The following RHOT1 variants were observed in gnomAD, a reference collection of about 807,000 sequenced individuals.
The protein encoded by RHOT1 is mitochondrial Rho GTPase 1.
Under a neutral mutation model 95.3 loss-of-function variants are expected in RHOT1, and 27 were observed. The observed-to-expected ratio is 0.28, with a 90% CI of 0.21 to 0.39. The LOEUF (loss-of-function observed/expected upper bound fraction) is 0.39. Ranked by LOEUF, RHOT1 falls within the 10% of genes least tolerant of loss-of-function variation. RHOT1 has a pLI of 1.00. For missense variants in RHOT1, 578 were observed against 786.7 expected, an observed-to-expected ratio of 0.73 and a Z score of 3.17; for synonymous variants, 227 against 263.5, an observed-to-expected ratio of 0.86 and a Z score of 1.34.
intron 1 of RHOT1, among the ~76,000 whole-genome samples, chr17:32,144,264 G>A (rs1183345515): frequency 6.6e-6 from 1 of 152,112 alleles, no homozygotes; most frequent in African/African-American, 2.4e-5. Context: ...CAGTGCCTGG[G>A]ATTACAGGCA....
At chr17:32,182,458 C>T (rs2142662327) in intron 6 of RHOT1, among the ~76,000 whole-genome samples, 1 of 152,258 alleles carries the variant, frequency 6.6e-6, no homozygotes, top group Admixed American at 6.5e-5. Flanking sequence ...TGCACTCCAG[C>T]CTGGACAACA....
At chr17:32,212,701 T>C (rs897483312) in intron 19 of RHOT1, among the ~76,000 whole-genome samples, 7 of 152,174 alleles carry the variant, frequency 4.6e-5, no homozygotes, top group African/African-American at 1.4e-4. Context: ...GTTTTCCCTA[T>C]AACTTTCTCT....
At chr17:32,175,408 G>T (rs1301215743) in intron 4 of RHOT1, 46 bp downstream of exon 4, 1 of 1,521,640 alleles carries the variant, frequency 6.6e-7, no homozygotes, top group African/African-American at 1.4e-5. Flanking sequence ...TAGAAAAACA[G>T]TGATGATTTT....
At chr17:32,155,606 A>G (rs2032886261) in intron 1 of RHOT1, among the ~76,000 whole-genome samples, 1 of 151,314 alleles carries the variant, frequency 6.6e-6, no homozygotes, top group African/African-American at 2.4e-5. Flanking sequence ...GCAGTGGCTC[A>G]ATCATGGCTC....
intron 18 of RHOT1, among the ~76,000 whole-genome samples, chr17:32,209,949 GAAA>G (rs968185494): frequency 7.0e-6 from 1 of 143,722 alleles, no homozygotes; most frequent in Non-Finnish European, 1.5e-5. Flanking sequence ...CAAAAAAAAT[GAAA>G]AAAAAATGAA....
At chr17:32,168,540 C>T (rs936027875) in intron 1 of RHOT1, among the ~76,000 whole-genome samples, 1 of 151,670 alleles carries the variant, frequency 6.6e-6, no homozygotes, top group Non-Finnish European at 1.5e-5. Flanking sequence ...TCACAAAGTG[C>T]TGGAATTACA....
At chr17:32,220,904 C>A in intron 19 of RHOT1, 1 of 218,346 alleles carries the variant, frequency 4.6e-6, no homozygotes, top group Non-Finnish European at 7.6e-6. Flanking sequence ...GCCTTATTTT[C>A]TAATGAGTGT....
At chr17:32,206,834 G>A in intron 16 of RHOT1, 76 bp from the exon 17 acceptor site, 1 of 1,036,902 alleles carries the variant, frequency 9.6e-7, no homozygotes, top group South Asian at 1.6e-5. Flanking sequence ...TCCAGGGAAG[G>A]AAGTAATAAG....
intron 19 of RHOT1, among the ~76,000 whole-genome samples, chr17:32,218,417 G>C (rs779487380): frequency 1.3e-5 from 2 of 151,856 alleles, no homozygotes; most frequent in Non-Finnish European, 2.9e-5. Context: ...TGAGGTGAGA[G>C]GTTTGCTTGA....
At chr17:32,202,450 T>G in intron 14 of RHOT1, among the ~76,000 whole-genome samples, 1 of 152,338 alleles carries the variant, frequency 6.6e-6, no homozygotes, top group Middle Eastern at 3.4e-3. Context: ...TTGGCTATAT[T>G]CTTAGTAATT....
intron 1 of RHOT1, among the ~76,000 whole-genome samples, chr17:32,147,292 A>T (rs2031504367): frequency 6.6e-6 from 1 of 151,642 alleles, no homozygotes; most frequent in Non-Finnish European, 1.5e-5. Context: ...TGATCCACCC[A>T]CCTTGGCCTC....
chr17:32,164,585 G>A (rs573172386), intron 1 of RHOT1, among the ~76,000 whole-genome samples: 140 of 152,132 alleles, frequency 9.2e-4, no homozygotes, highest in African/African-American at 3.3e-3. Context: ...ACTTACTGAG[G>A]CTGAATGTGG....
chr17:32,190,617 A>T (rs1381682301), intron 8 of RHOT1, among the ~76,000 whole-genome samples: 1 of 152,172 alleles, frequency 6.6e-6, no homozygotes, highest in Non-Finnish European at 1.5e-5. Context: ...TAAATTATTA[A>T]ACTTTTTTAA....
chr17:32,142,903 T>C, intron 1 of RHOT1, 174 bp downstream of exon 1: 1 of 747,436 alleles, frequency 1.3e-6, no homozygotes, highest in Non-Finnish European at 2.4e-6. Flanking sequence ...TTCACTCTTC[T>C]CTTTTGGCTG....
At chr17:32,149,460 T>C (rs1396073712) in intron 1 of RHOT1, among the ~76,000 whole-genome samples, 5 of 105,148 alleles carry the variant, frequency 4.8e-5, no homozygotes, top group South Asian at 6.1e-4. Flanking sequence ...TAAGCATATT[T>C]AAATAGTTTT....
chr17:32,193,101 T>C (rs1277311200), intron 9 of RHOT1, 35 bp from the exon 10 acceptor site: 1 of 1,328,182 alleles, frequency 7.5e-7, no homozygotes, highest in Non-Finnish European at 1.1e-6. Flanking sequence ...TTAACGCTGG[T>C]TTGTTTTTAA....
chr17:32,223,965 TTA>T (rs1397074198), intron 19 of RHOT1, among the ~76,000 whole-genome samples: 3 of 152,188 alleles, frequency 2.0e-5, no homozygotes, highest in African/African-American at 7.2e-5. Flanking sequence ...TCACATTACG[TTA>T]TGTCTGTTAG....
In RHOT1 at chr17:32,194,072, T is replaced by A; in HGVS notation, c.834T>A (p.Asp278Glu). ...WTVLRRFGYD[D>E]DLDLTPEYLF... ...TGCTTCGACGATTTGGTTATGATGATGACCTGGATTTGACACCTGAATATT... is the reference window on the plus strand; with the variant it reads ...TGCTTCGACGATTTGGTTATGATGAAGACCTGGATTTGACACCTGAATATT... Residue 278 changes from aspartate to glutamate, a missense_variant, in exon 11 of 20, where the codon GAT becomes GAA. Around this residue, in one of 4 missense-constraint regions of RHOT1, gnomAD observed 227 missense variants for 316.0 expected, o/e 0.72. Transcript: ENST00000545287. 2 of 1,614,220 alleles carry A rather than the reference T, an allele frequency of 1.2e-6. No individual in the cohort carries two copies. The highest frequency in any genetic ancestry group is 1.7e-6 in the Non-Finnish European group (2 of 1,180,034).
intron 8 of RHOT1, among the ~76,000 whole-genome samples, chr17:32,190,792 C>T (rs1222087087): frequency 1.3e-5 from 2 of 152,054 alleles, no homozygotes; most frequent in East Asian, 1.9e-4. Flanking sequence ...AGGGAAGCCC[C>T]GTCAGATGCT....
Sources: allele counts gnomAD v4.1 joint callset (sites outside exome capture counted in the v4.1 genomes callset), GRCh38; gene constraint gnomAD v4.1.1; regional missense constraint gnomAD v4.1.1; transcripts MANE v1.5; gene names NCBI Gene and HGNC (gene_info 2026-07-23, HGNC 2026-07-21).